Variants in ARMH4 observed in about 807,000 individuals in gnomAD.
ARMH4 encodes armadillo-like helical domain-containing protein 4.
A neutral mutation model predicts 61.9 loss-of-function variants in ARMH4; 49 were observed. The observed-to-expected ratio is 0.79, with a 90% CI of 0.63 to 1.00. The LOEUF is 1.00. Among genes scored for constraint, ARMH4 ranks in the 50% least tolerant of loss-of-function variants. ARMH4 has a pLI of 0.00. For missense variants in ARMH4, 934 were observed against 930.0 expected (o/e 1.00, Z -0.06); for synonymous variants, 368 against 341.5 (o/e 1.08, Z -0.85).
At chr14:58,063,622 A>C (rs1884605245) in intron 5 of ARMH4, among the ~76,000 whole-genome samples, 1 of 97,806 alleles carries the variant, frequency 1.0e-5, no homozygotes, top group Admixed American at 9.1e-5. Flanking sequence ...AAAAAATATC[A>C]TTTTTAGAAC....
chr14:58,139,578 A>G (rs1887461961), intron 1 of ARMH4, among the ~76,000 whole-genome samples, 164 bp from the exon 2 acceptor site: 1 of 152,200 alleles, frequency 6.6e-6, no homozygotes, highest in Non-Finnish European at 1.5e-5. Flanking sequence ...GACATGGATA[A>G]CCCAGTTCAT....
At chr14:58,006,317 T>G (rs1882168949) in intron 6 of ARMH4, among the ~76,000 whole-genome samples, 2 of 152,232 alleles carry the variant, frequency 1.3e-5, no homozygotes, top group Admixed American at 6.5e-5. Flanking sequence ...TATTCATTTA[T>G]ATGACTATTT....
rs370881117 is a variant in ARMH4, at chr14:58,138,019, G to A, written c.1340C>T (p.Ala447Val). 1 of 1,613,722 alleles carries A rather than the reference G, an allele frequency of 6.2e-7. No homozygotes were observed. The highest frequency in any genetic ancestry group is 8.5e-7 in the Non-Finnish European group (1 of 1,179,862). Residue 447 changes from alanine (A) to valine (V), a missense_variant, in exon 2 of 8, where the codon GCA becomes GTA. Coordinates refer to ENST00000267485, the MANE Select transcript of ARMH4 (RefSeq NM_001001872.4). Reference protein sequence around the residue: ...TVSVSVYESEADQLLGNTMKD... With the variant: ...TVSVSVYESEVDQLLGNTMKD... ...CATTGTATTTCCCAACAGTTGGTCTGCCTCAGACTCATATACAGAGACAGA... is the reference window on the plus strand; with the variant it reads ...CATTGTATTTCCCAACAGTTGGTCTACCTCAGACTCATATACAGAGACAGA...
At chr14:58,096,684 G>T in intron 5 of ARMH4, 40 bp downstream of exon 5, 1 of 1,587,104 alleles carries the variant, frequency 6.3e-7, no homozygotes, top group Non-Finnish European at 8.6e-7. Context: ...TATAAAAGGA[G>T]GGGAGAAGGG....
At position 58,003,951 on chromosome 14, in the gene ARMH4, T is replaced by A. The variant is rs1372314215; in HGVS notation, c.*785A>T. The A allele has an allele frequency of 2.0e-5, 3 of 152,134 alleles. No homozygotes were observed. Among genetic ancestry groups the A allele is most frequent in the Admixed American group, 1.3e-4 (2 of 15,278 alleles). 9.4% of individuals were successfully genotyped at this position (152,134 alleles called of 1,614,324 possible). ...TCTTCTTCATTTTTTCTCGGCAAAA[T>A]CAACTAGCACACAAAAAGAATATCT... On this transcript the variant is annotated 3_prime_UTR_variant, in exon 8 of 8. Transcript: ENST00000267485.
At position 58,145,493 on chromosome 14, in the gene ARMH4, A is replaced by G. The variant is rs1887707159; in HGVS notation, c.-56-6079T>C. The stretch of plus-strand genomic sequence containing the variant: ...TGGAGTCATGTGGACTGAGAGAAAA[A>G]TTTTACAAACAAATCAGATCAAGGG... On this transcript the variant is annotated intron_variant, in intron 1 of 7. Transcript: ENST00000267485. Among the ~76,000 whole-genome samples the G allele has an allele frequency of 2.0e-5, 3 of 152,192 alleles. No homozygotes were observed. The South Asian group carries it at 6.2e-4, about 31-fold the overall frequency.
At position 58,099,907 on chromosome 14, in the gene ARMH4, C is replaced by T. The variant is rs865796141; in HGVS notation, c.1832-2926G>A. On this transcript the variant is annotated intron_variant, in intron 4 of 7. Transcript: ENST00000267485. ...GAATTTTGCTGTGCCTCAACCTCCT[C>T]GTCTGTAAAACTGATATTATTCCTA... Among the ~76,000 whole-genome samples, 3 of 152,262 alleles carry T rather than the reference C, an allele frequency of 2.0e-5. No homozygotes were observed. In the South Asian group the frequency reaches 6.2e-4, roughly 32 times the overall value.
chr14:58,122,098 T>G (rs1886742833), intron 4 of ARMH4, among the ~76,000 whole-genome samples: 1 of 152,150 alleles, frequency 6.6e-6, no homozygotes. Context: ...CAAAAGCCAA[T>G]ACTCGTGCCC....
intron 4 of ARMH4, among the ~76,000 whole-genome samples, chr14:58,106,742 G>T (rs1489077559): frequency 6.6e-6 from 1 of 151,400 alleles, no homozygotes; most frequent in East Asian, 1.9e-4. Flanking sequence ...AACTTACATT[G>T]TTAGCTAACA....
At chr14:58,039,901 A>G (rs1403542437) in intron 5 of ARMH4, among the ~76,000 whole-genome samples, 6 of 152,196 alleles carry the variant, frequency 3.9e-5, no homozygotes, top group Non-Finnish European at 7.3e-5. Flanking sequence ...TTTTAATAGG[A>G]AAGTGGGACA....
At chr14:58,131,223 T>C (rs1207699905) in intron 4 of ARMH4, 3 of 335,600 alleles carry the variant, frequency 8.9e-6, no homozygotes, top group Admixed American at 4.5e-5. Flanking sequence ...TGTTCCAATA[T>C]AGCTTTATTT....
At chr14:58,019,252 G>A (rs1384341490) in intron 5 of ARMH4, among the ~76,000 whole-genome samples, 1 of 152,118 alleles carries the variant, frequency 6.6e-6, no homozygotes, top group Non-Finnish European at 1.5e-5. Context: ...GATTTTAAGT[G>A]TTCTTACCAC....
At chr14:58,079,367 C>T (rs551242286) in intron 5 of ARMH4, among the ~76,000 whole-genome samples, 13 of 152,174 alleles carry the variant, frequency 8.5e-5, no homozygotes, top group Non-Finnish European at 1.8e-4. Flanking sequence ...AGAGCACATA[C>T]AATACTGAAA....
At chr14:58,121,479 T>A (rs192581378) in intron 4 of ARMH4, among the ~76,000 whole-genome samples, 4 of 152,320 alleles carry the variant, frequency 2.6e-5, no homozygotes, top group Non-Finnish European at 5.9e-5. Context: ...AGAGTAAATG[T>A]CAGTTATCTT....
At chr14:58,111,244 A>C (rs187626936) in intron 4 of ARMH4, among the ~76,000 whole-genome samples, 41 of 152,332 alleles carry the variant, frequency 2.7e-4, no homozygotes, top group Admixed American at 2.1e-3. Context: ...ATATATAATA[A>C]TATAAAGCTG....
intron 5 of ARMH4, among the ~76,000 whole-genome samples, chr14:58,082,861 T>A (rs1336823595): frequency 6.6e-6 from 1 of 152,206 alleles, no homozygotes; most frequent in Non-Finnish European, 1.5e-5. Flanking sequence ...AAATGATATG[T>A]ACTGCCATCA....
At position 58,004,816 on chromosome 14, in the gene ARMH4, A is replaced by G; in HGVS notation, c.2257-12T>C. 1 of 1,605,856 alleles carries G rather than the reference A, an allele frequency of 6.2e-7. No homozygotes were observed. Among genetic ancestry groups the G allele is most frequent in the Admixed American group, 1.7e-5 (1 of 59,844 alleles). On this transcript the variant is annotated splice_polypyrimidine_tract_variant and intron_variant, in intron 7 of 7. Coordinates refer to ENST00000267485, the MANE Select transcript of ARMH4 (RefSeq NM_001001872.4). ...TTGAATTCTCTCTGCTAGAGAAAGA[A>G]AACAGAAAAGCATTAAACTCTTTCT...
At chr14:58,126,257 T>C (rs1396116275) in intron 4 of ARMH4, among the ~76,000 whole-genome samples, 1 of 152,244 alleles carries the variant, frequency 6.6e-6, no homozygotes, top group Non-Finnish European at 1.5e-5. Context: ...TTGGCTTCAG[T>C]ATGAGGCCAC....
chr14:58,004,318 G>A lies in ARMH4; in HGVS notation c.*418C>T. On this transcript the variant is annotated 3_prime_UTR_variant, in exon 8 of 8. Coordinates refer to ENST00000267485, the MANE Select transcript of ARMH4 (RefSeq NM_001001872.4). ...AAGTAGGTAGAGTATATCTTGAGAA[G>A]TTATTCTTTGTTAAGATTTATATCT... 6.4e-6 allele frequency: 1 copy of A among 157,146 alleles called. No homozygotes were observed. The highest frequency in any genetic ancestry group is 1.9e-4 in the East Asian group (1 of 5,390). The allele number at this position is 157,146 out of a possible 1,614,324, so 9.7% of individuals were successfully genotyped here. A position where few individuals can be genotyped will look rare whatever the true frequency, so the allele number is the denominator to read the frequency against.
Sources: gnomAD v4.1 joint callset for allele counts (sites outside exome capture counted in the v4.1 genomes callset) on GRCh38, gnomAD v4.1.1 for gene constraint, MANE v1.5 for transcripts, NCBI Gene and HGNC (gene_info 2026-07-23, HGNC 2026-07-21) for gene names.